The following ATP6V0A4 variants were observed in gnomAD, a reference collection of about 807,000 sequenced individuals.
The protein encoded by ATP6V0A4 is ATPase H+ transporting V0 subunit a4, also known as V-type proton ATPase 116 kDa subunit a 4.
Under a neutral mutation model 107.3 loss-of-function variants are expected in ATP6V0A4, and 86 were observed. The observed-to-expected ratio is 0.80, with a 90% CI of 0.67 to 0.96. The LOEUF (loss-of-function observed/expected upper bound fraction) is 0.96, where lower values mean the gene tolerates loss of function less well. Ranked by LOEUF, ATP6V0A4 falls within the 40% of genes least tolerant of loss-of-function variation. The probability of loss-of-function intolerance (pLI) is 0.00; values close to 1 mark genes in which losing one functional copy is unlikely to be tolerated. For missense variants in ATP6V0A4, 908 were observed against 1,045.6 expected, an observed-to-expected ratio of 0.87 and a Z score of 1.81; for synonymous variants, 353 against 381.4, an observed-to-expected ratio of 0.93 and a Z score of 0.87.
chr7:138,793,824 C>G (rs1169759521), intron 1 of ATP6V0A4, among the ~76,000 whole-genome samples: 1 of 152,128 alleles, frequency 6.6e-6, no homozygotes, highest in Admixed American at 6.5e-5. Context: ...GAAGGACCTC[C>G]TTTGTGTTAA....
intron 17 of ATP6V0A4, among the ~76,000 whole-genome samples, chr7:138,729,084 A>C (rs1442399625): frequency 6.6e-6 from 1 of 152,218 alleles, no homozygotes; most frequent in Non-Finnish European, 1.5e-5. Flanking sequence ...TAGACACTGG[A>C]AACTCTCTGT....
At chr7:138,758,372 C>A (rs1165893120) in intron 8 of ATP6V0A4, among the ~76,000 whole-genome samples, 6 of 152,102 alleles carry the variant, frequency 3.9e-5, no homozygotes, top group Admixed American at 6.5e-5. Flanking sequence ...TGGGGTTTCT[C>A]ATTTTTTTCA....
intron 7 of ATP6V0A4, among the ~76,000 whole-genome samples, chr7:138,761,444 C>T (rs1409847285): frequency 1.3e-5 from 2 of 152,020 alleles, no homozygotes; most frequent in African/African-American, 4.8e-5. Flanking sequence ...ACCATCCTGC[C>T]TAACACGGTG....
chr7:138,782,767 G>A (rs1563019892), intron 2 of ATP6V0A4, among the ~76,000 whole-genome samples: 1 of 152,064 alleles, frequency 6.6e-6, no homozygotes, highest in Non-Finnish European at 1.5e-5. Flanking sequence ...TCAGTGGCTG[G>A]TGAAGAAAAG....
intron 2 of ATP6V0A4, among the ~76,000 whole-genome samples, chr7:138,777,949 CACAAGTGG>C (rs1807744533): frequency 6.6e-6 from 1 of 152,104 alleles, no homozygotes; most frequent in Non-Finnish European, 1.5e-5. Context: ...AACATGACAC[CACAAGTGG>C]AAAATTTCGC....
Position 138,798,084 on chromosome 7 carries a change from G to A in ATP6V0A4, c.-171C>T. The A allele has an allele frequency of 1.9e-6, 3 of 1,586,070 alleles. No individual in the cohort carries two copies. Among genetic ancestry groups the A allele is most frequent in the South Asian group, 2.3e-5 (2 of 86,776 alleles). On this transcript the variant is annotated 5_prime_UTR_variant, in exon 1 of 22. Coordinates refer to ENST00000310018, the MANE Select transcript of ATP6V0A4 (RefSeq NM_020632.3). Reference sequence around the variant, plus strand: ...CGCAGGACCGGCTCACCTGCACCGGGCACTCAGCACAGCCTCCAGCATGCA... The same window carrying A: ...CGCAGGACCGGCTCACCTGCACCGGACACTCAGCACAGCCTCCAGCATGCA...
chr7:138,718,372 A>G (rs1231581303), intron 19 of ATP6V0A4, among the ~76,000 whole-genome samples: 4 of 87,688 alleles, frequency 4.6e-5, no homozygotes, highest in African/African-American at 2.0e-4. Flanking sequence ...GGGGGAATGC[A>G]GTCACGGATG....
Position 138,755,679 on chromosome 7 carries a change from C to T in ATP6V0A4, c.816+10G>A. 6.2e-7 allele frequency: 1 copy of T among 1,613,656 alleles called. No individual in the cohort carries two copies. The highest frequency in any genetic ancestry group is 8.5e-7 in the Non-Finnish European group (1 of 1,180,014). ...TGCCATCAGACCATGCGCCCAAACCCCTCACTCACGGTGATTAAATCTTCC... is the reference window on the plus strand; with the variant it reads ...TGCCATCAGACCATGCGCCCAAACCTCTCACTCACGGTGATTAAATCTTCC... On this transcript the variant is annotated intron_variant, in intron 10 of 21. Transcript: ENST00000310018.
In ATP6V0A4 at chr7:138,748,333, G is replaced by T. The variant is rs575425515; in HGVS notation, c.1181-769C>A. Among the ~76,000 whole-genome samples the T allele has an allele frequency of 1.5e-4, 23 of 152,218 alleles. 1 individual carries two copies. The highest frequency in any genetic ancestry group is 5.2e-4 in the Admixed American group (8 of 15,280). Reference sequence around the variant, plus strand: ...CATTACAGGCCACAAATTCGACTGGGCCTCAGGCTGGAGAAGAACAATCAC... The same window carrying T: ...CATTACAGGCCACAAATTCGACTGGTCCTCAGGCTGGAGAAGAACAATCAC... On this transcript the variant is annotated intron_variant, in intron 12 of 21. Coordinates refer to ENST00000310018, the MANE Select transcript of ATP6V0A4 (RefSeq NM_020632.3).
At position 138,707,176 on chromosome 7, in the gene ATP6V0A4, TATATA is replaced by T. The variant is rs1384500328; in HGVS notation, c.2430-464_2430-460del. On this transcript the variant is annotated intron_variant, in intron 21 of 21. Coordinates refer to ENST00000310018, the MANE Select transcript of ATP6V0A4 (RefSeq NM_020632.3). Reference sequence around the variant, plus strand: ...TTAATATATAATATATTATATATATTATATAATATATTATATATATTATATAATAT... The same window carrying T: ...TTAATATATAATATATTATATATATTATATATTATATATATTATATAATAT... Among the ~76,000 whole-genome samples the T allele has an allele frequency of 4.1e-3, 241 of 58,498 alleles. 10 individuals carry two copies. The highest frequency in any genetic ancestry group is 5.5e-3 in the Non-Finnish European group (188 of 34,428). The allele number at this position is 58,498 out of a possible 152,430, so 38.4% of individuals were successfully genotyped here.
chr7:138,787,863 G>A (rs946744796), intron 1 of ATP6V0A4, among the ~76,000 whole-genome samples: 4 of 152,104 alleles, frequency 2.6e-5, no homozygotes, highest in African/African-American at 9.7e-5. Context: ...GCTGGGTGTG[G>A]TGGTACATGC....
intron 18 of ATP6V0A4, among the ~76,000 whole-genome samples, chr7:138,725,542 G>A (rs973034257): frequency 6.6e-6 from 1 of 151,586 alleles, no homozygotes; most frequent in Admixed American, 6.6e-5. Flanking sequence ...ACGGAGTCTC[G>A]CTTATGTCGC....
At chr7:138,708,826 C>G (rs1168784207) in intron 21 of ATP6V0A4, among the ~76,000 whole-genome samples, 1 of 152,208 alleles carries the variant, frequency 6.6e-6, no homozygotes, top group Non-Finnish European at 1.5e-5. Context: ...GTAATCCCAG[C>G]ACTTTGGGAG....
At chr7:138,796,693 A>G (rs1210238929) in intron 1 of ATP6V0A4, among the ~76,000 whole-genome samples, 3 of 122,976 alleles carry the variant, frequency 2.4e-5, no homozygotes, top group African/African-American at 8.8e-5. Flanking sequence ...GGCAGAGTTC[A>G]TCCCATCCTC....
chr7:138,782,307 T>C (rs192962417), intron 2 of ATP6V0A4, among the ~76,000 whole-genome samples: 58 of 152,288 alleles, frequency 3.8e-4, no homozygotes, highest in African/African-American at 1.3e-3. Context: ...CATTCACATG[T>C]GTGTGTCTGT....
At position 138,734,197 on chromosome 7, in the gene ATP6V0A4, A is replaced by G; in HGVS notation, c.1630T>C (p.Ser544Pro). The G allele has an allele frequency of 1.9e-6, 3 of 1,613,892 alleles. No individual in the cohort carries two copies. Among genetic ancestry groups the G allele is most frequent in the Non-Finnish European group, 1.7e-6 (2 of 1,179,794 alleles). ...TFLNSYKMKM[S>P]VILGIVQMVF... is the part of the protein sequence containing the mutation. Reference sequence around the variant, plus strand: ...ATCTGGACAATTCCCAGGATCACCGACATCTTCATTTTATACGAGTTCAGA... The same window carrying G: ...ATCTGGACAATTCCCAGGATCACCGGCATCTTCATTTTATACGAGTTCAGA... Residue 544 changes from serine (S) to proline (P), a missense_variant, in exon 16 of 22, where the codon TCG becomes CCG. Physicochemically the swap from Ser to Pro is moderately conservative, Grantham distance 74. Transcript: ENST00000310018.
intron 3 of ATP6V0A4, 109 bp from the exon 4 acceptor site, chr7:138,769,360 AC>A: frequency 6.8e-7 from 1 of 1,477,678 alleles, no homozygotes; most frequent in South Asian, 1.3e-5. Flanking sequence ...TGTCACCCAG[AC>A]TGGAGGGCAA....
chr7:138,718,718 G>GCCCAGGAAGGAA lies in ATP6V0A4; in HGVS notation c.2140-2838_2140-2837insTTCCTTCCTGGG, dbSNP rs1804281603. On this transcript the variant is annotated intron_variant, in intron 19 of 21. Coordinates refer to ENST00000310018, the MANE Select transcript of ATP6V0A4 (RefSeq NM_020632.3). Reference sequence around the variant, plus strand: ...GTCACGGATGTCTGCGGAGGGAGACGTCCAGGAAGGAATGGCGGTGCAGTC... The same window carrying GCCCAGGAAGGAA: ...GTCACGGATGTCTGCGGAGGGAGACGCCCAGGAAGGAATCCAGGAAGGAATGGCGGTGCAGTC... Among the ~76,000 whole-genome samples the GCCCAGGAAGGAA allele has an allele frequency of 6.0e-5, 3 of 50,212 alleles. 1 individual carries two copies. Among genetic ancestry groups the GCCCAGGAAGGAA allele is most frequent in the African/African-American group, 9.6e-5 (1 of 10,410 alleles). The allele number at this position is 50,212 out of a possible 152,430, so 32.9% of individuals were successfully genotyped here.
chr7:138,744,325 C>T (rs1337148967), intron 14 of ATP6V0A4, among the ~76,000 whole-genome samples: 1 of 150,128 alleles, frequency 6.7e-6, no homozygotes, highest in Non-Finnish European at 1.5e-5. Context: ...GCAACCTCCA[C>T]CTCCTGGATT....
Sources: allele counts gnomAD v4.1 joint callset (sites outside exome capture counted in the v4.1 genomes callset), GRCh38; gene constraint gnomAD v4.1.1; transcripts MANE v1.5; gene names NCBI Gene and HGNC (gene_info 2026-07-23, HGNC 2026-07-21).